FAM53A: variants seen among roughly 807,000 people sequenced by gnomAD.
FAM53A encodes the protein protein FAM53A.
Under a neutral mutation model 26.6 loss-of-function variants are expected in FAM53A, and 28 were observed. The observed-to-expected ratio is 1.05, with a 90% CI of 0.78 to 1.45. FAM53A has a LOEUF of 1.45. FAM53A is among the 40% of genes most tolerant of loss of function. FAM53A has a pLI of 0.00. For missense variants in FAM53A, 650 were observed against 575.8 expected (o/e 1.13, Z -1.32); for synonymous variants, 290 against 253.1 (o/e 1.15, Z -1.38).
the FAM53A span, among the ~76,000 whole-genome samples, chr4:1,581,524 G>T: frequency 6.6e-6 from 1 of 152,194 alleles, no homozygotes; most frequent in Non-Finnish European, 1.5e-5. Context: ...TGCATATCTG[G>T]AATATTACTG....
rs559926855 is a variant in FAM53A, at chr4:1,624,694, G to A, written c.432-6583C>T. Among the ~76,000 whole-genome samples, 8 of 152,336 alleles carry A rather than the reference G, an allele frequency of 5.3e-5. No homozygotes were observed. In the East Asian group the frequency reaches 5.8e-4, roughly 11 times the overall value. On this transcript the variant is annotated intron_variant, in intron 1 of 1. Transcript: ENST00000489029. ...ACCACGCCAGGTACCGCCACGCTGC[G>A]GGTCTGGCTGAGAAGGCACCTGGAA...
chr4:1,596,229 A>G, the FAM53A span, among the ~76,000 whole-genome samples: 2 of 152,240 alleles, frequency 1.3e-5, no homozygotes, highest in Admixed American at 1.3e-4. Flanking sequence ...ACATCCTCGC[A>G]GCACAGGGCC....
chr4:1,587,313 C>A, the FAM53A span, among the ~76,000 whole-genome samples: 2 of 152,096 alleles, frequency 1.3e-5, no homozygotes, highest in African/African-American at 4.8e-5. Context: ...AAATCATTAC[C>A]CAGACCAATG....
At chr4:1,584,601 G>T in the FAM53A span, among the ~76,000 whole-genome samples, 1 of 152,250 alleles carries the variant, frequency 6.6e-6, no homozygotes, top group South Asian at 2.1e-4. Context: ...GCTGGGGCTA[G>T]AGCCACCTGG....
chr4:1,639,018 G>A (rs563526410), downstream of FAM53A, among the ~76,000 whole-genome samples: 3 of 152,262 alleles, frequency 2.0e-5, no homozygotes, highest in Admixed American at 6.5e-5. Context: ...TGGGGACCTC[G>A]GGCCCCTCTG....
the FAM53A span, among the ~76,000 whole-genome samples, chr4:1,576,080 G>A: frequency 8.9e-3 from 1,349 of 152,278 alleles, 21 homozygotes; most frequent in African/African-American, 0.03. Flanking sequence ...TGATCGGCCC[G>A]TGCACTGGTG....
the FAM53A span, among the ~76,000 whole-genome samples, chr4:1,578,788 G>A: frequency 9.1e-6 from 1 of 110,436 alleles, no homozygotes; most frequent in African/African-American, 3.4e-5. Context: ...GAGAGAAGAG[G>A]GGGAGAGGAG....
intron 1 of FAM53A, among the ~76,000 whole-genome samples, chr4:1,682,028 G>A (rs1422399625): frequency 2.6e-5 from 4 of 152,084 alleles, no homozygotes; most frequent in South Asian, 2.1e-4. Flanking sequence ...ACAAGTAACC[G>A]CCTCTCCAGG....
At chr4:1,625,861 C>G (rs1715276338) in intron 1 of FAM53A, among the ~76,000 whole-genome samples, 1 of 152,242 alleles carries the variant, frequency 6.6e-6, no homozygotes, top group Non-Finnish European at 1.5e-5. Flanking sequence ...GAAGCCACCG[C>G]CCTGGCCAGC....
intron 4 of FAM53A, among the ~76,000 whole-genome samples, chr4:1,645,924 G>A (rs1712202113): frequency 6.6e-6 from 1 of 152,282 alleles, no homozygotes; most frequent in South Asian, 2.1e-4. Context: ...CTGCGGGCCT[G>A]CACAAGACAC....
intron 1 of FAM53A, among the ~76,000 whole-genome samples, chr4:1,623,587 C>T (rs1171392611): frequency 6.6e-6 from 1 of 152,194 alleles, no homozygotes; most frequent in East Asian, 1.9e-4. Context: ...GGCGGCTGCA[C>T]GGTGACCTTG....
At chr4:1,666,944 A>G (rs1479345829) in intron 2 of FAM53A, among the ~76,000 whole-genome samples, 1 of 152,218 alleles carries the variant, frequency 6.6e-6, no homozygotes, top group Non-Finnish European at 1.5e-5. Flanking sequence ...CCTGACCAAC[A>G]TGGTGAAACC....
intron 4 of FAM53A, among the ~76,000 whole-genome samples, chr4:1,647,681 G>A (rs1394119029): frequency 1.3e-5 from 2 of 152,256 alleles, no homozygotes; most frequent in Non-Finnish European, 2.9e-5. Context: ...GCCGGGGTGC[G>A]GATGTGAGCG....
At chr4:1,632,102 C>T (rs13435180) in intron 1 of FAM53A, among the ~76,000 whole-genome samples, 1,935 of 147,812 alleles carry the variant, frequency 0.013, 35 homozygotes, top group African/African-American at 0.046. Context: ...AGGTGGAGGT[C>T]GCAGTGAGCT....
At chr4:1,609,893 G>A in the FAM53A span, among the ~76,000 whole-genome samples, 1 of 152,072 alleles carries the variant, frequency 6.6e-6, no homozygotes, top group African/African-American at 2.4e-5. Flanking sequence ...AACTCAGGAG[G>A]CAGAGGCTGC....
At chr4:1,681,115 A>G in intron 1 of FAM53A, among the ~76,000 whole-genome samples, 1 of 151,602 alleles carries the variant, frequency 6.6e-6, no homozygotes, top group East Asian at 1.9e-4. Context: ...TTTTTTTTTG[A>G]GATGAAGTTT....
At chr4:1,670,802 C>T (rs945926936) in intron 1 of FAM53A, among the ~76,000 whole-genome samples, 1 of 152,214 alleles carries the variant, frequency 6.6e-6, no homozygotes, top group Non-Finnish European at 1.5e-5. Flanking sequence ...AGCCACACTG[C>T]ACACCCCACG....
chr4:1,620,028 T>C (rs148696441), intron 1 of FAM53A, among the ~76,000 whole-genome samples: 5,193 of 151,172 alleles, frequency 0.034, 250 homozygotes, highest in African/African-American at 0.1. Context: ...GCCAATATGG[T>C]GAAACCCCGT....
At chr4:1,626,928 C>G (rs1577086574) in intron 1 of FAM53A, among the ~76,000 whole-genome samples, 2 of 152,294 alleles carry the variant, frequency 1.3e-5, no homozygotes, top group East Asian at 3.9e-4. Flanking sequence ...CCCCCAGCCT[C>G]CAGATGGAGA....
Sources: gnomAD v4.1 joint callset for allele counts (sites outside exome capture counted in the v4.1 genomes callset) on GRCh38, gnomAD v4.1.1 for gene constraint, MANE v1.5 for transcripts, NCBI Gene and HGNC (gene_info 2026-07-23, HGNC 2026-07-21) for gene names.